PCDHGB7: variants seen among roughly 807,000 people sequenced by gnomAD.
PCDHGB7 encodes the protein protocadherin gamma-B7.
A neutral mutation model predicts 61.4 loss-of-function variants in PCDHGB7; 37 were observed. That is an observed-to-expected ratio of 0.60 (90% CI 0.46 to 0.79). The LOEUF is 0.79. Ranked by LOEUF, PCDHGB7 falls within the 30% of genes least tolerant of loss-of-function variation. The probability of loss-of-function intolerance (pLI) is 0.00; values close to 1 mark genes in which losing one functional copy is unlikely to be tolerated. For missense variants in PCDHGB7, 1,166 were observed against 1,202.5 expected, an observed-to-expected ratio of 0.97 and a Z score of 0.45; for synonymous variants, 464 against 503.5, an observed-to-expected ratio of 0.92 and a Z score of 1.05.
intron 1 of PCDHGB7, chr5:141,423,750 TGGGGG>T: frequency 5.2e-5 from 15 of 287,416 alleles, no homozygotes; most frequent in Non-Finnish European, 6.3e-5. Context: ...GAAAACTGTT[TGGGGG>T]GGGGGTGGGG....
chr5:141,490,336 G>T lies in PCDHGB7; in HGVS notation c.2416-4471G>T. 2 of 1,614,224 alleles carry T rather than the reference G, an allele frequency of 1.2e-6. No individual in the cohort carries two copies. The highest frequency in any genetic ancestry group is 8.5e-7 in the Non-Finnish European group (1 of 1,180,040). ...CCCTGTCCTAGAGAGCACACCAGTGGGCACAGTAGTGGGGTTGTTTAATGT... is the reference window on the plus strand; with the variant it reads ...CCCTGTCCTAGAGAGCACACCAGTGTGCACAGTAGTGGGGTTGTTTAATGT... On this transcript the variant is annotated intron_variant, in intron 1 of 3. Transcript: ENST00000398594. This position sits in a 1 kb window ranked among gnomAD's most constrained non-coding sequence, Gnocchi z 5.4.
At chr5:141,428,448 T>C in intron 1 of PCDHGB7, 12 of 375,612 alleles carry the variant, frequency 3.2e-5, no homozygotes, top group South Asian at 2.4e-4. Flanking sequence ...CAGGGGTTTT[T>C]CCCAACTACA....
chr5:141,504,434 A>C (rs2099838201), intron 2 of PCDHGB7, among the ~76,000 whole-genome samples: 1 of 152,234 alleles, frequency 6.6e-6, no homozygotes, highest in South Asian at 2.1e-4. Flanking sequence ...CAACAGCTGC[A>C]GTGTGACTAG....
At chr5:141,430,888 T>C (rs1447560622) in intron 1 of PCDHGB7, 5 of 1,605,402 alleles carry the variant, frequency 3.1e-6, no homozygotes, top group Admixed American at 1.7e-5. Context: ...AGAAAGGCTC[T>C]AGGGTGGGCG....
At chr5:141,429,361 A>G (rs2097205912) in intron 1 of PCDHGB7, among the ~76,000 whole-genome samples, 1 of 150,698 alleles carries the variant, frequency 6.6e-6, no homozygotes, top group East Asian at 1.9e-4. Context: ...AATGCATGAG[A>G]AAATGGAGAA....
chr5:141,494,807 C>A lies in PCDHGB7; in HGVS notation c.2416C>A (p.Gln806Lys), dbSNP rs568448786. Residue 806 changes from glutamine to lysine, a missense_variant and splice_region_variant, in exon 2 of 4, where the codon CAA (glutamine) becomes AAA (lysine). Coordinates refer to ENST00000398594, the MANE Select transcript of PCDHGB7 (RefSeq NM_018927.4). ...CCCTTTCCCTCTGTTTTCTCCACAGCAAGCCCCGCCCAACACGGACTGGCG... is the reference window on the plus strand; with the variant it reads ...CCCTTTCCCTCTGTTTTCTCCACAGAAAGCCCCGCCCAACACGGACTGGCG... ...VEADKKILKQ[Q>K]APPNTDWRFS... The A allele has an allele frequency of 2.5e-5, 40 of 1,614,144 alleles. No individual in the cohort carries two copies. The South Asian group carries it at 4.0e-4, about 16-fold the overall frequency.
intron 1 of PCDHGB7, among the ~76,000 whole-genome samples, chr5:141,454,458 G>A (rs535843071): frequency 5.3e-5 from 8 of 152,322 alleles, no homozygotes; most frequent in Non-Finnish European, 1.5e-5. Flanking sequence ...CCAGGCTGGA[G>A]TGCAATGGCA....
At position 141,498,660 on chromosome 5, in the gene PCDHGB7, G is replaced by A. The variant is rs969314533; in HGVS notation, c.2474+3795G>A. Among the ~76,000 whole-genome samples, 11 of 152,192 alleles carry A rather than the reference G, an allele frequency of 7.2e-5. No homozygotes were observed. In the East Asian group the frequency reaches 9.6e-4, roughly 13 times the overall value. ...GAAGGAAGAAGACCTGGCCAGGTGT[G>A]GTGGCTCACGCCTGTAATCCCAGCA... is the stretch of plus-strand genomic sequence containing the variant. On this transcript the variant is annotated intron_variant, in intron 2 of 3. Coordinates refer to ENST00000398594, the MANE Select transcript of PCDHGB7 (RefSeq NM_018927.4).
At chr5:141,422,758 A>C (rs1237677806) in intron 1 of PCDHGB7, 3 of 1,613,032 alleles carry the variant, frequency 1.9e-6, no homozygotes, top group Non-Finnish European at 2.5e-6. Flanking sequence ...TATTAACTCC[A>C]ACACTGGTGT....
chr5:141,475,721 G>A (rs867365261), intron 1 of PCDHGB7, among the ~76,000 whole-genome samples: 1 of 152,248 alleles, frequency 6.6e-6, no homozygotes. Context: ...ACAGCCCCAA[G>A]GCTGGCTTTC....
Position 141,477,934 on chromosome 5 carries a change from C to T in PCDHGB7, c.2416-16873C>T. Reference sequence around the variant, plus strand: ...CGGATGCAGGGCACAATGCCTGGCTCTCCTACAGTCTCTTGGGATCCCCTA... The same window carrying T: ...CGGATGCAGGGCACAATGCCTGGCTTTCCTACAGTCTCTTGGGATCCCCTA... On this transcript the variant is annotated intron_variant, in intron 1 of 3. Coordinates refer to ENST00000398594, the MANE Select transcript of PCDHGB7 (RefSeq NM_018927.4). This position sits in a 1 kb window ranked among gnomAD's most constrained non-coding sequence, Gnocchi z 4.9. 3.1e-6 allele frequency: 5 copies of T among 1,614,204 alleles called. No individual in the cohort carries two copies. The highest frequency in any genetic ancestry group is 4.2e-6 in the Non-Finnish European group (5 of 1,180,036).
chr5:141,457,899 C>CA (rs2098931976), intron 1 of PCDHGB7, among the ~76,000 whole-genome samples: 1 of 148,818 alleles, frequency 6.7e-6, no homozygotes, highest in Admixed American at 6.7e-5. Context: ...ACTGTGTAGA[C>CA]AAGGTGTGAG....
chr5:141,447,979 G>A (rs888759756), intron 1 of PCDHGB7, among the ~76,000 whole-genome samples: 15 of 151,814 alleles, frequency 9.9e-5, no homozygotes, highest in Admixed American at 5.9e-4. Context: ...CCAGCTACTC[G>A]GGAGGCTGAG....
chr5:141,418,855 A>C lies in PCDHGB7; in HGVS notation c.996A>C (p.Lys332Asn). ...GAGGATCTCTCTCAACACGGTGTAA[A>C]GTAATTGTAGAAGTTGTAGACGAAA... Reference protein sequence around the residue: ...KDRGSLSTRCKVIVEVVDEND... With the variant: ...KDRGSLSTRCNVIVEVVDEND... The change falls in exon 1 of 4, where the codon AAA becomes AAC. Residue 332 changes from lysine (K) to asparagine (N), a missense_variant. Lys to Asn is a moderately conservative substitution (Grantham distance 94). Transcript: ENST00000398594. 6.2e-7 allele frequency: 1 copy of C among 1,614,042 alleles called. No individual in the cohort carries two copies. Among genetic ancestry groups the C allele is most frequent in the Non-Finnish European group, 8.5e-7 (1 of 1,179,886 alleles).
In PCDHGB7 at chr5:141,511,367, G is replaced by A. The variant is rs563286583; in HGVS notation, c.*194G>A. ...CCTTCCCCCCCAGGGGGTTGAATAT[G>A]CAAAAGCAGTTCCGCTGGGAACCCC... On this transcript the variant is annotated 3_prime_UTR_variant, in exon 4 of 4. Coordinates refer to ENST00000398594, the MANE Select transcript of PCDHGB7 (RefSeq NM_018927.4). 2.3e-6 allele frequency: 3 copies of A among 1,299,952 alleles called. No individual in the cohort carries two copies. Among genetic ancestry groups the A allele is most frequent in the Non-Finnish European group, 3.1e-6 (3 of 967,442 alleles). 80.5% of individuals were successfully genotyped at this position (1,299,952 alleles called of 1,614,324 possible).
At position 141,489,494 on chromosome 5, in the gene PCDHGB7, C is replaced by A. The variant is rs1191408769; in HGVS notation, c.2416-5313C>A. ...CTGAGCTTGATGAGTGGTGCCCTGGCAGTGAATCAAAAGATTGACCGAGAA... is the reference window on the plus strand; with the variant it reads ...CTGAGCTTGATGAGTGGTGCCCTGGAAGTGAATCAAAAGATTGACCGAGAA... On this transcript the variant is annotated intron_variant, in intron 1 of 3. Coordinates refer to ENST00000398594, the MANE Select transcript of PCDHGB7 (RefSeq NM_018927.4). This position sits in a 1 kb window ranked among gnomAD's most constrained non-coding sequence, Gnocchi z 4.5. 1.1e-5 allele frequency: 18 copies of A among 1,613,932 alleles called. No individual in the cohort carries two copies. The highest frequency in any genetic ancestry group is 1.7e-5 in the Admixed American group (1 of 59,998).
chr5:141,428,200 G>A (rs1000165985), intron 1 of PCDHGB7: 3 of 1,363,858 alleles, frequency 2.2e-6, no homozygotes, highest in East Asian at 2.3e-5. Flanking sequence ...TCTCTGCGCC[G>A]CTACGCTTCA....
intron 1 of PCDHGB7, among the ~76,000 whole-genome samples, chr5:141,430,064 A>T (rs1482609618): frequency 6.6e-6 from 1 of 152,190 alleles, no homozygotes; most frequent in Non-Finnish European, 1.5e-5. Flanking sequence ...TATCATTTTT[A>T]GGTTTCCATA....
chr5:141,418,804 T>C lies in PCDHGB7; in HGVS notation c.945T>C (p.Tyr315=), dbSNP rs368948947. The part of the protein sequence containing the change: ...QPLDFEEVER[Y]TINIEAKDRG... The stretch of plus-strand genomic sequence containing the variant: ...TGGATTTTGAAGAAGTAGAAAGATA[T>C]ACGATAAACATAGAAGCAAAAGACC... Residue 315 remains tyrosine (Y), a synonymous_variant, in exon 1 of 4, where the codon TAT becomes TAC. Coordinates refer to ENST00000398594, the MANE Select transcript of PCDHGB7 (RefSeq NM_018927.4). The C allele has an allele frequency of 3.3e-5, 54 of 1,613,718 alleles. No individual in the cohort carries two copies. The highest frequency in any genetic ancestry group is 5.3e-5 in the African/African-American group (4 of 74,926).
Sources: gnomAD v4.1 joint callset for allele counts (sites outside exome capture counted in the v4.1 genomes callset) on GRCh38, gnomAD v4.1.1 for gene constraint, Gnocchi (gnomAD v3.1) non-coding constraint, MANE v1.5 for transcripts, NCBI Gene and HGNC (gene_info 2026-07-23, HGNC 2026-07-21) for gene names.